Variants in SPRED1 observed in about 807,000 individuals in gnomAD.
SPRED1 encodes the protein sprouty-related, EVH1 domain-containing protein 1.
SPRED1 carries 18 observed loss-of-function variants against 52.3 expected under a neutral mutation model. The ratio of observed to expected loss-of-function variants is 0.34; its 90% CI spans 0.24 to 0.51. SPRED1 has a LOEUF of 0.51. Ranked by LOEUF, SPRED1 falls within the 20% of genes least tolerant of loss-of-function variation. The pLI is 0.97. For synonymous variants in SPRED1, 155 were observed against 179.7 expected, an observed-to-expected ratio of 0.86 and a Z score of 1.10; for missense variants, 485 against 551.0, an observed-to-expected ratio of 0.88 and a Z score of 1.20.
At chr15:38,293,785 T>C (rs1894973658) in intron 1 of SPRED1, among the ~76,000 whole-genome samples, 1 of 152,206 alleles carries the variant, frequency 6.6e-6, no homozygotes, top group Non-Finnish European at 1.5e-5. Flanking sequence ...TTATGTCTAC[T>C]GTCATCTTTT....
At chr15:38,259,316 G>T (rs563439951) in intron 1 of SPRED1, among the ~76,000 whole-genome samples, 1 of 152,282 alleles carries the variant, frequency 6.6e-6, no homozygotes. Flanking sequence ...CAGTACAGTG[G>T]TATGATCATA....
chr15:38,265,606 A>G (rs1227244427), intron 1 of SPRED1, among the ~76,000 whole-genome samples: 1 of 152,120 alleles, frequency 6.6e-6, no homozygotes, highest in East Asian at 1.9e-4. Context: ...TAAGACAAAC[A>G]ACTAGCTCTA....
At chr15:38,335,076 T>C (rs552127176) in intron 4 of SPRED1, among the ~76,000 whole-genome samples, 3 of 152,258 alleles carry the variant, frequency 2.0e-5, no homozygotes, top group African/African-American at 7.2e-5. Context: ...AGTATGTTTT[T>C]ATATACTTAC....
chr15:38,344,133 A>G (rs947358857), intron 5 of SPRED1, among the ~76,000 whole-genome samples: 1 of 152,164 alleles, frequency 6.6e-6, no homozygotes, highest in African/African-American at 2.4e-5. Context: ...GAATCTGGAG[A>G]TACTCAGTTT....
chr15:38,347,258 C>T (rs12443376), intron 5 of SPRED1, among the ~76,000 whole-genome samples: 18,385 of 151,934 alleles, frequency 0.12, 1,926 homozygotes, highest in East Asian at 0.54. Context: ...TAATTGTCCC[C>T]GCACTGTTTA....
intron 2 of SPRED1, among the ~76,000 whole-genome samples, chr15:38,307,697 GA>G (rs1170743365): frequency 6.6e-6 from 1 of 152,106 alleles, no homozygotes; most frequent in Non-Finnish European, 1.5e-5. Flanking sequence ...AGTATTCTAT[GA>G]TATGCATGTA....
chr15:38,341,312 T>C (rs755467807), intron 5 of SPRED1, among the ~76,000 whole-genome samples: 8 of 152,094 alleles, frequency 5.3e-5, no homozygotes, highest in Non-Finnish European at 1.0e-4. Flanking sequence ...TTATTTCCGC[T>C]TCTAACTTCT....
chr15:38,292,216 C>A (rs1595729419), intron 1 of SPRED1, among the ~76,000 whole-genome samples: 1 of 152,180 alleles, frequency 6.6e-6, no homozygotes, highest in Non-Finnish European at 1.5e-5. Flanking sequence ...CCAACAAGTT[C>A]CTCATCTCCA....
intron 1 of SPRED1, among the ~76,000 whole-genome samples, chr15:38,264,105 G>A (rs1894256175): frequency 6.6e-6 from 1 of 152,200 alleles, no homozygotes. Context: ...CAAGGCCTAG[G>A]ACAGTCTATC....
rs1377629098 is a variant in SPRED1 at position 38,355,491 on chromosome 15, T to G, written c.*3827T>G. Reference sequence around the variant, plus strand: ...TAAATGGCACGGAAATGTTTCTTAATATGCACGTGAGTCTCCAGAGTACAG... The same window carrying G: ...TAAATGGCACGGAAATGTTTCTTAAGATGCACGTGAGTCTCCAGAGTACAG... On this transcript the variant is annotated 3_prime_UTR_variant, in exon 7 of 7. Coordinates refer to ENST00000299084, the MANE Select transcript of SPRED1 (RefSeq NM_152594.3). 6.6e-6 allele frequency: 1 copy of G among 152,224 alleles called. No homozygotes were observed. The highest frequency in any genetic ancestry group is 1.5e-5 in the Non-Finnish European group (1 of 68,048). 9.4% of individuals were successfully genotyped at this position (152,224 alleles called of 1,614,324 possible). A position where few individuals can be genotyped will look rare whatever the true frequency, so the allele number is the denominator to read the frequency against.
intron 1 of SPRED1, among the ~76,000 whole-genome samples, chr15:38,270,513 G>T (rs866663222): frequency 2.0e-5 from 3 of 152,292 alleles, no homozygotes; most frequent in Middle Eastern, 6.8e-3. Context: ...AAGCTTGGCA[G>T]GGAGGCCTCA....
intron 1 of SPRED1, among the ~76,000 whole-genome samples, chr15:38,266,651 C>A (rs10552361): frequency 4.9e-3 from 19 of 3,886 alleles, no homozygotes; most frequent in South Asian, 0.25. Context: ...AAAAAACAAA[C>A]AAACAAACAA....
chr15:38,310,148 TG>T lies in SPRED1; in HGVS notation c.207+10602del, dbSNP rs1566863214. ...GTGTGTGTGTGTGTGTGTGTGTGTG[TG>T]TGTGTTTGGAGACGAAGTTTCGCTC... On this transcript the variant is annotated intron_variant, in intron 2 of 6. Coordinates refer to ENST00000299084, the MANE Select transcript of SPRED1 (RefSeq NM_152594.3). 9.1e-3 allele frequency among the ~76,000 whole-genome samples: 1,282 copies of T among 140,536 alleles called. 25 individuals are homozygous for T. Among genetic ancestry groups the T allele is most frequent in the African/African-American group, 0.032 (1,192 of 37,834 alleles). The allele number at this position is 140,536 out of a possible 152,430, so 92.2% of individuals were successfully genotyped here.
intron 5 of SPRED1, among the ~76,000 whole-genome samples, chr15:38,343,949 G>A (rs1555392273): frequency 6.6e-6 from 1 of 152,010 alleles, no homozygotes; most frequent in Non-Finnish European, 1.5e-5. Flanking sequence ...GAAAAATTAA[G>A]ATATTGGTAC....
intron 2 of SPRED1, among the ~76,000 whole-genome samples, chr15:38,317,165 G>C (rs1298223899): frequency 2.0e-5 from 3 of 151,836 alleles, no homozygotes; most frequent in African/African-American, 7.2e-5. Flanking sequence ...ATTAATACTA[G>C]CAAGAAGTTT....
At chr15:38,281,226 T>C (rs1403190726) in intron 1 of SPRED1, among the ~76,000 whole-genome samples, 1 of 152,238 alleles carries the variant, frequency 6.6e-6, no homozygotes, top group African/African-American at 2.4e-5. Context: ...ATGTGATTTG[T>C]TTGATGATGG....
At chr15:38,261,373 A>C (rs763029226) in intron 1 of SPRED1, among the ~76,000 whole-genome samples, 37 of 152,156 alleles carry the variant, frequency 2.4e-4, no homozygotes, top group Non-Finnish European at 4.0e-4. Flanking sequence ...TGTAGGATTG[A>C]CTGGTGGAAA....
At chr15:38,342,052 G>T (rs1397438492) in intron 5 of SPRED1, among the ~76,000 whole-genome samples, 2 of 144,538 alleles carry the variant, frequency 1.4e-5, no homozygotes, top group Non-Finnish European at 3.0e-5. Flanking sequence ...TTCCCCCAGG[G>T]TGTCTTTGTC....
At chr15:38,274,587 C>A (rs1422189310) in intron 1 of SPRED1, among the ~76,000 whole-genome samples, 3 of 152,170 alleles carry the variant, frequency 2.0e-5, no homozygotes, top group Non-Finnish European at 4.4e-5. Context: ...AATCAGGAAA[C>A]TAGGATCTAT....
Sources: allele counts gnomAD v4.1 joint callset (sites outside exome capture counted in the v4.1 genomes callset), GRCh38; gene constraint gnomAD v4.1.1; transcripts MANE v1.5; gene names NCBI Gene and HGNC (gene_info 2026-07-23, HGNC 2026-07-21).